Variants in CSMD3 observed in about 807,000 individuals in gnomAD.
The protein encoded by CSMD3 is CUB and Sushi multiple domains 3, also known as CUB and sushi domain-containing protein 3.
Under a neutral mutation model 435.2 loss-of-function variants are expected in CSMD3, and 177 were observed. The observed-to-expected ratio is 0.41, with a 90% CI of 0.36 to 0.46. CSMD3 has a LOEUF of 0.46. Among genes scored for constraint, CSMD3 ranks in the 20% least tolerant of loss-of-function variants. The pLI, the probability that CSMD3 is intolerant of heterozygous loss-of-function variation, is 0.34. For missense variants in CSMD3, 4,265 were observed against 4,504.6 expected, an observed-to-expected ratio of 0.95 and a Z score of 1.52; for synonymous variants, 1,656 against 1,520.5, an observed-to-expected ratio of 1.09 and a Z score of -2.07.
intron 31 of CSMD3, among the ~76,000 whole-genome samples, chr8:112,491,066 T>C (rs1820637460): frequency 6.6e-6 from 1 of 152,144 alleles, no homozygotes; most frequent in Non-Finnish European, 1.5e-5. Flanking sequence ...AAGTAAAAAA[T>C]GTTAATCATC....
intron 5 of CSMD3, among the ~76,000 whole-genome samples, chr8:113,025,378 G>A (rs567551275): frequency 1.3e-5 from 2 of 152,210 alleles, no homozygotes; most frequent in South Asian, 4.1e-4. Flanking sequence ...GCTGTAATTC[G>A]CATCAGCAAT....
intron 14 of CSMD3, among the ~76,000 whole-genome samples, chr8:112,688,707 T>G (rs1490901677): frequency 6.6e-6 from 1 of 152,076 alleles, no homozygotes; most frequent in Non-Finnish European, 1.5e-5. Context: ...TAAATGTATT[T>G]CCAAGTTAGT....
At chr8:112,688,091 T>C (rs2076051625) in intron 14 of CSMD3, among the ~76,000 whole-genome samples, 1 of 152,160 alleles carries the variant, frequency 6.6e-6, no homozygotes, top group Non-Finnish European at 1.5e-5. Flanking sequence ...AAGGCAGCCA[T>C]GCACAATCAG....
chr8:112,685,763 T>C, intron 14 of CSMD3, 31 bp from the exon 15 acceptor site: 1 of 1,310,530 alleles, frequency 7.6e-7, no homozygotes, highest in South Asian at 1.2e-5. Context: ...TGAAATACAA[T>C]AAATATTCAA....
intron 4 of CSMD3, among the ~76,000 whole-genome samples, chr8:113,112,389 ATATATATATATATATATATAT>A (rs2090671920): frequency 6.8e-3 from 1 of 148 alleles, no homozygotes; most frequent in Non-Finnish European, 9.8e-3. Context: ...AATAAAACAT[ATATATATATATATATATATAT>A]ATATATATAT....
At chr8:112,313,370 T>C (rs1822162736) in intron 49 of CSMD3, among the ~76,000 whole-genome samples, 1 of 152,142 alleles carries the variant, frequency 6.6e-6, no homozygotes, top group South Asian at 2.1e-4. Flanking sequence ...TTTTAGCAAG[T>C]ATCACAAATA....
At position 113,001,587 on chromosome 8, in the gene CSMD3, C is replaced by T. The variant is rs115232448; in HGVS notation, c.1030+17480G>A. ...CCTGTATTATTCTCTATTCCAGCCC[C>T]TTCCATTTTTTCCTTTATAGCAGGT... On this transcript the variant is annotated intron_variant, in intron 6 of 70. Transcript: ENST00000297405. 5.9e-3 allele frequency among the ~76,000 whole-genome samples: 898 copies of T among 152,188 alleles called. 4 individuals carry two copies. The highest frequency in any genetic ancestry group is 0.019 in the African/African-American group (799 of 41,546).
chr8:112,410,600 ATG>A (rs1433652361), intron 32 of CSMD3, among the ~76,000 whole-genome samples: 1 of 99,762 alleles, frequency 1.0e-5, no homozygotes, highest in African/African-American at 3.8e-5. Context: ...GTATATATAT[ATG>A]TGTATATATA....
intron 24 of CSMD3, 61 bp downstream of exon 24, chr8:112,573,440 A>G: frequency 7.9e-7 from 1 of 1,267,888 alleles, no homozygotes; most frequent in Non-Finnish European, 1.2e-6. Context: ...GTGCAATGTA[A>G]TTATTTAATA....
At chr8:112,643,246 A>C (rs2074885374) in intron 20 of CSMD3, among the ~76,000 whole-genome samples, 1 of 152,266 alleles carries the variant, frequency 6.6e-6, no homozygotes, top group African/African-American at 2.4e-5. Context: ...ATATGGAAAA[A>C]ATGAGGAATT....
chr8:112,982,291 C>G (rs921755805), intron 6 of CSMD3, among the ~76,000 whole-genome samples: 7 of 151,806 alleles, frequency 4.6e-5, no homozygotes, highest in Non-Finnish European at 1.0e-4. Context: ...GTATAATAGT[C>G]TTATAAGGTC....
At chr8:112,648,403 T>A (rs1377045492) in intron 19 of CSMD3, among the ~76,000 whole-genome samples, 1 of 152,158 alleles carries the variant, frequency 6.6e-6, no homozygotes, top group Admixed American at 6.6e-5. Context: ...CAGGTTATAA[T>A]AGAGGTTAAA....
chr8:112,601,287 C>T (rs1379745169), intron 22 of CSMD3, among the ~76,000 whole-genome samples: 1 of 151,812 alleles, frequency 6.6e-6, no homozygotes, highest in Non-Finnish European at 1.5e-5. Context: ...ATGCACTTCC[C>T]GGTGAAGTAA....
chr8:112,392,633 C>T (rs16883532), intron 35 of CSMD3, among the ~76,000 whole-genome samples: 37,047 of 150,504 alleles, frequency 0.25, 5,121 homozygotes, highest in African/African-American at 0.37. Context: ...TCCTCTCCAT[C>T]GCCACCGCCA....
At chr8:112,572,272 A>G (rs544963139) in intron 24 of CSMD3, among the ~76,000 whole-genome samples, 2 of 152,236 alleles carry the variant, frequency 1.3e-5, no homozygotes, top group South Asian at 4.1e-4. Context: ...CAGTTCTGAG[A>G]ATTTAAAAAT....
intron 3 of CSMD3, among the ~76,000 whole-genome samples, chr8:113,223,842 T>A (rs2092997298): frequency 6.6e-6 from 1 of 150,624 alleles, no homozygotes; most frequent in Admixed American, 6.7e-5. Context: ...ATGTTTCTGC[T>A]ACTAAAATAC....
chr8:113,093,113 T>C (rs2090058170), intron 5 of CSMD3, among the ~76,000 whole-genome samples: 1 of 152,062 alleles, frequency 6.6e-6, no homozygotes, highest in African/African-American at 2.4e-5. Flanking sequence ...TTCTGTTTAT[T>C]TTGAGATCCA....
intron 1 of CSMD3, among the ~76,000 whole-genome samples, chr8:113,323,585 C>G (rs1032422712): frequency 6.6e-6 from 1 of 152,124 alleles, no homozygotes; most frequent in Non-Finnish European, 1.5e-5. Flanking sequence ...AAATTAACAA[C>G]ATGAATGTAC....
rs76415413 is a variant in CSMD3 at position 113,020,848 on chromosome 8, T to A, written c.918-1669A>T. On this transcript the variant is annotated intron_variant, in intron 5 of 70. Transcript: ENST00000297405. ...GGAGGATGGAAAATCTGTCATTGTA[T>A]ATGTAATCAGTGTTAAGGTGTAGGT... Among the ~76,000 whole-genome samples, 901 of 152,266 alleles carry A rather than the reference T, an allele frequency of 5.9e-3. 4 individuals carry two copies. The highest frequency in any genetic ancestry group is 0.019 in the African/African-American group (800 of 41,554).
Sources: gnomAD v4.1 joint callset for allele counts (sites outside exome capture counted in the v4.1 genomes callset) on GRCh38, gnomAD v4.1.1 for gene constraint, MANE v1.5 for transcripts, NCBI Gene and HGNC (gene_info 2026-07-23, HGNC 2026-07-21) for gene names.